The following SFTPA1 variants were observed in gnomAD, a reference collection of about 807,000 sequenced individuals.
The protein encoded by SFTPA1 is pulmonary surfactant-associated protein A1.
SFTPA1 carries 13 observed loss-of-function variants against 19.1 expected under a neutral mutation model. That is an observed-to-expected ratio of 0.68 (90% confidence interval 0.44 to 1.08). The LOEUF is 1.08. Ranked by LOEUF, SFTPA1 falls within the 50% of genes least tolerant of loss-of-function variation. The pLI is 0.00. For missense variants in SFTPA1, 259 were observed against 316.4 expected, an observed-to-expected ratio of 0.82 and a Z score of 1.38; for synonymous variants, 101 against 117.0, an observed-to-expected ratio of 0.86 and a Z score of 0.88.
rs368586928 is a variant in SFTPA1 at position 79,611,785 on chromosome 10, C to A, written c.-23-18C>A. 1 of 1,613,922 alleles carries A rather than the reference C, an allele frequency of 6.2e-7. No homozygotes were observed. Among genetic ancestry groups the A allele is most frequent in the East Asian group, 2.2e-5 (1 of 44,886 alleles). Reference sequence around the variant, plus strand: ...TTGGCAGAGGTGGCAGATGGGCTCACGGCCATCCCTCCTGCAGGAGCAGCG... The same window carrying A: ...TTGGCAGAGGTGGCAGATGGGCTCAAGGCCATCCCTCCTGCAGGAGCAGCG... On this transcript the variant is annotated intron_variant, in intron 2 of 5. Transcript: ENST00000398636.
intron 2 of SFTPA1, 200 bp downstream of exon 2, chr10:79,611,589 A>T (rs1386775651): frequency 6.5e-7 from 1 of 1,550,132 alleles, no homozygotes; most frequent in African/African-American, 1.4e-5. Flanking sequence ...CAGCCTGGAG[A>T]CCCCACAACC....
Position 79,614,090 on chromosome 10 carries a change from C to T in SFTPA1, c.724C>T (p.Arg242Ter), listed in dbSNP as rs4253528. 97 of 1,614,064 alleles carry T rather than the reference C, an allele frequency of 6.0e-5. 1 individual carries two copies. The highest frequency in any genetic ancestry group is 1.7e-4 in the Admixed American group (10 of 60,014). The change falls in exon 6 of 6, where the codon CGA becomes TGA. Residue 242 changes from arginine to a stop codon, truncating the protein, a stop_gained. Transcript: ENST00000398636. LOFTEE classifies it high-confidence loss of function. Reference sequence around the variant, plus strand: ...GAATGACAGGAACTGCCTGTACTCCCGACTGACCATCTGTGAGTTCTGAGA... The same window carrying T: ...GAATGACAGGAACTGCCTGTACTCCTGACTGACCATCTGTGAGTTCTGAGA... ...QWNDRNCLYSRLTICEF is the reference protein window; with the variant it reads ...QWNDRNCLYS
chr10:79,612,995 A>C (rs1589240290), intron 4 of SFTPA1, among the ~76,000 whole-genome samples, 194 bp from the exon 5 acceptor site: 1 of 152,034 alleles, frequency 6.6e-6, no homozygotes, highest in East Asian at 1.9e-4. Context: ...GCAAGGCTTC[A>C]CTAAAGAATA....
In SFTPA1 at chr10:79,615,243, G is replaced by T; in HGVS notation, c.*1130G>T. 1 of 415,466 alleles carries T rather than the reference G, an allele frequency of 2.4e-6. No homozygotes were observed. Among genetic ancestry groups the T allele is most frequent in the Non-Finnish European group, 4.2e-6 (1 of 237,596 alleles). 25.7% of individuals were successfully genotyped at this position (415,466 alleles called of 1,614,324 possible). On this transcript the variant is annotated 3_prime_UTR_variant, in exon 6 of 6. Transcript: ENST00000398636. ...CTATTCAATCTTTACACAATGTCAC[G>T]GGACCAGTATTGTTTCCTCATTTTT...
At position 79,613,973 on chromosome 10, in the gene SFTPA1, G is replaced by C; in HGVS notation, c.607G>C (p.Gly203Arg). ...CCCTGGAGACTTCCGCTACTCAGAC[G>C]GGACCCCTGTAAACTACACCAACTG... ...PSPGDFRYSD[G>R]TPVNYTNWYR... Residue 203 changes from glycine to arginine, a missense_variant, in exon 6 of 6, where the codon GGG becomes CGG. Coordinates refer to ENST00000398636, the MANE Select transcript of SFTPA1 (RefSeq NM_005411.5). The C allele has an allele frequency of 1.2e-6, 2 of 1,614,208 alleles. No homozygotes were observed. The highest frequency in any genetic ancestry group is 1.1e-5 in the South Asian group (1 of 91,086).
chr10:79,611,275 G>C (rs918326357), intron 1 of SFTPA1, 44 bp from the exon 2 acceptor site: 3 of 296,564 alleles, frequency 1.0e-5, no homozygotes, highest in East Asian at 7.0e-5. Flanking sequence ...ACCACCTTGA[G>C]GGGGGCCAGG....
At position 79,614,921 on chromosome 10, in the gene SFTPA1, T is replaced by C; in HGVS notation, c.*808T>C. ...CACCCCCCACACCACTGGCTCTGCT[T>C]TCTCCTTTCATTAATCCATTCACCC... is the stretch of plus-strand genomic sequence containing the variant. On this transcript the variant is annotated 3_prime_UTR_variant, in exon 6 of 6. Coordinates refer to ENST00000398636, the MANE Select transcript of SFTPA1 (RefSeq NM_005411.5). The C allele has an allele frequency of 2.5e-6, 3 of 1,193,260 alleles. No individual in the cohort carries two copies. Among genetic ancestry groups the C allele is most frequent in the Non-Finnish European group, 3.3e-6 (3 of 897,504 alleles). The allele number at this position is 1,193,260 out of a possible 1,614,324, so 73.9% of individuals were successfully genotyped here. A position where few individuals can be genotyped will look rare whatever the true frequency, so the allele number is the denominator to read the frequency against.
chr10:79,612,044 T>C, intron 3 of SFTPA1, 47 bp downstream of exon 3: 1 of 1,607,952 alleles, frequency 6.2e-7, no homozygotes, highest in Non-Finnish European at 8.5e-7. Flanking sequence ...ACAGACCCCT[T>C]TTCAGGAGGC....
In SFTPA1 at chr10:79,611,942, C is replaced by T. The variant is rs72659390; in HGVS notation, c.117C>T (p.His39=). ...SPGIPGTPGS[H]GLPGRDGRDG... ...GTATCCCCGGCACTCCTGGATCCCA[C>T]GGCCTGCCAGGCAGGGACGGGAGAG... Residue 39 remains histidine (H), a synonymous_variant, in exon 3 of 6, where the codon CAC becomes CAT. Transcript: ENST00000398636. The T allele has an allele frequency of 0.13, 210,763 of 1,613,662 alleles. 15,085 individuals are homozygous for T. The highest frequency in any genetic ancestry group is 0.22 in the South Asian group (20,293 of 91,062).
Position 79,614,935 on chromosome 10 carries a change from A to C in SFTPA1, c.*822A>C. On this transcript the variant is annotated 3_prime_UTR_variant, in exon 6 of 6. Coordinates refer to ENST00000398636, the MANE Select transcript of SFTPA1 (RefSeq NM_005411.5). ...CTGGCTCTGCTTTCTCCTTTCATTA[A>C]TCCATTCACCCAGATATTTCATTAA... 1 of 1,245,066 alleles carries C rather than the reference A, an allele frequency of 8.0e-7. No homozygotes were observed. Among genetic ancestry groups the C allele is most frequent in the East Asian group, 5.6e-5 (1 of 17,702 alleles). The allele number at this position is 1,245,066 out of a possible 1,614,324, so 77.1% of individuals were successfully genotyped here.
rs1860028896 is a variant in SFTPA1 at position 79,614,070 on chromosome 10, A to T, written c.704A>T (p.Asp235Val). 2 of 1,614,216 alleles carry T rather than the reference A, an allele frequency of 1.2e-6. No homozygotes were observed. The highest frequency in any genetic ancestry group is 1.7e-6 in the Non-Finnish European group (2 of 1,180,032). ...ATGTACACAGATGGGCAGTGGAATG[A>T]CAGGAACTGCCTGTACTCCCGACTG... ...VEMYTDGQWN[D>V]RNCLYSRLTI... Residue 235 changes from aspartate to valine, a missense_variant, in exon 6 of 6, where the codon GAC becomes GTC. Asp to Val is a radical substitution (Grantham distance 152). Transcript: ENST00000398636.
rs539426951 is a variant in SFTPA1 at position 79,613,122 on chromosome 10, C to T, written c.293-67C>T. The T allele has an allele frequency of 1.4e-4, 226 of 1,613,068 alleles. 3 individuals are homozygous for T. The East Asian group carries it at 4.9e-3, about 35-fold the overall frequency. On this transcript the variant is annotated intron_variant, in intron 4 of 5. Coordinates refer to ENST00000398636, the MANE Select transcript of SFTPA1 (RefSeq NM_005411.5). Reference sequence around the variant, plus strand: ...TTCCAGGATTGCAGATGGCAAAACACCTGCGTGGCAGCAAGTGGGAGTCTT... The same window carrying T: ...TTCCAGGATTGCAGATGGCAAAACATCTGCGTGGCAGCAAGTGGGAGTCTT...
At chr10:79,613,547 T>C (rs1859992353) in intron 5 of SFTPA1, among the ~76,000 whole-genome samples, 190 bp from the exon 6 acceptor site, 1 of 152,138 alleles carries the variant, frequency 6.6e-6, no homozygotes. Flanking sequence ...AATTGTTACT[T>C]AGGTGAATGA....
At chr10:79,611,611 G>T in intron 2 of SFTPA1, 192 bp from the exon 3 acceptor site, 1 of 1,551,280 alleles carries the variant, frequency 6.4e-7, no homozygotes, top group Non-Finnish European at 8.7e-7. Context: ...CCAGCCGGAG[G>T]CCTGAAGCAT....
Position 79,612,194 on chromosome 10 carries a change from C to T in SFTPA1, c.173-118C>T, listed in dbSNP as rs990770102. 2.4e-5 allele frequency: 38 copies of T among 1,606,294 alleles called. No individual in the cohort carries two copies. In the African/African-American group the frequency reaches 2.9e-4, roughly 12 times the overall value. On this transcript the variant is annotated intron_variant, in intron 3 of 5. Coordinates refer to ENST00000398636, the MANE Select transcript of SFTPA1 (RefSeq NM_005411.5). ...CCTGGAGAGTCTGTCCTCATAGTGC[C>T]CACGGAGTGATAGAGTGATAGCTGA...
chr10:79,611,902 G>A lies in SFTPA1; in HGVS notation c.77G>A (p.Cys26Tyr), dbSNP rs762614164. The change falls in exon 3 of 6, where the codon TGT becomes TAT. Residue 26 changes from cysteine to tyrosine, a missense_variant. Cys to Tyr is a radical substitution (Grantham distance 194). Transcript: ENST00000398636. The part of the protein sequence containing the change: ...SGAVCEVKDV[C>Y]VGSPGIPGTP... ...GCTGTGTGCGAAGTGAAGGACGTTT[G>A]TGTTGGAAGCCCTGGTATCCCCGGC... is the stretch of plus-strand genomic sequence containing the variant. 6.2e-7 allele frequency: 1 copy of A among 1,614,008 alleles called. No homozygotes were observed. Among genetic ancestry groups the A allele is most frequent in the East Asian group, 2.2e-5 (1 of 44,880 alleles).
intron 4 of SFTPA1, among the ~76,000 whole-genome samples, 168 bp downstream of exon 4, chr10:79,612,599 G>A (rs890159904): frequency 5.3e-5 from 8 of 152,164 alleles, no homozygotes; most frequent in Non-Finnish European, 7.3e-5. Context: ...GGTGTCTGGG[G>A]AGTGTGGTCA....
rs1860036203 is a variant in SFTPA1 at position 79,614,203 on chromosome 10, C to A, written c.*90C>A. On this transcript the variant is annotated 3_prime_UTR_variant, in exon 6 of 6. Coordinates refer to ENST00000398636, the MANE Select transcript of SFTPA1 (RefSeq NM_005411.5). ...ACTTGGTCTGTGAGATGCTAGAACT[C>A]CCTTTCAACAGAATTCACTTGTGGC... The A allele has an allele frequency of 8.7e-6, 14 of 1,605,070 alleles. No individual in the cohort carries two copies. Among genetic ancestry groups the A allele is most frequent in the Admixed American group, 3.4e-5 (2 of 59,314 alleles).
intron 3 of SFTPA1, 91 bp from the exon 4 acceptor site, chr10:79,612,221 C>A (rs1859893921): frequency 3.7e-6 from 6 of 1,610,672 alleles, no homozygotes; most frequent in African/African-American, 1.3e-5. Flanking sequence ...GATAGCTGAG[C>A]CAGCCCTGGT....
Sources: gnomAD v4.1 joint callset for allele counts (sites outside exome capture counted in the v4.1 genomes callset) on GRCh38, gnomAD v4.1.1 for gene constraint, MANE v1.5 for transcripts, NCBI Gene and HGNC (gene_info 2026-07-23, HGNC 2026-07-21) for gene names.